Variants in FGD6 observed in about 807,000 individuals in gnomAD.
FGD6 encodes the protein FYVE, RhoGEF and PH domain-containing protein 6.
In FGD6, 90 loss-of-function variants were observed where a neutral mutation model predicts 149.4. That is an observed-to-expected ratio of 0.60 (90% CI 0.51 to 0.72). FGD6 has a LOEUF of 0.72. FGD6 is among the 30% of genes least tolerant of loss of function. The probability of loss-of-function intolerance (pLI) is 0.00; values close to 1 mark genes in which losing one functional copy is unlikely to be tolerated. For synonymous variants in FGD6, 527 were observed against 584.0 expected, an observed-to-expected ratio of 0.90 and a Z score of 1.41; for missense variants, 1,437 against 1,684.8, an observed-to-expected ratio of 0.85 and a Z score of 2.57.
intron 8 of FGD6, among the ~76,000 whole-genome samples, chr12:95,133,565 T>C (rs1350839477): frequency 1.3e-5 from 2 of 152,190 alleles, no homozygotes; most frequent in Non-Finnish European, 2.9e-5. Context: ...AAGAAAAGCA[T>C]GGACACCATT....
At chr12:95,125,732 G>T (rs1226368981) in intron 8 of FGD6, 2 of 592,444 alleles carry the variant, frequency 3.4e-6, no homozygotes, top group Non-Finnish European at 6.1e-6. Context: ...AATTAAAAAT[G>T]AATTCCTTCT....
chr12:95,131,703 C>G (rs1322171186), intron 8 of FGD6, among the ~76,000 whole-genome samples: 2 of 152,068 alleles, frequency 1.3e-5, no homozygotes, highest in Non-Finnish European at 2.9e-5. Context: ...GATTTCGTGG[C>G]CTTGAATAAG....
intron 14 of FGD6, among the ~76,000 whole-genome samples, chr12:95,099,412 A>G (rs977064160): frequency 1.3e-5 from 2 of 152,266 alleles, no homozygotes; most frequent in Middle Eastern, 6.8e-3. Flanking sequence ...ACCCACTTTA[A>G]TATGGGATGC....
At chr12:95,123,610 G>A (rs1265250577) in intron 8 of FGD6, among the ~76,000 whole-genome samples, 1 of 151,208 alleles carries the variant, frequency 6.6e-6, no homozygotes, top group Non-Finnish European at 1.5e-5. Flanking sequence ...CCCCCAGGCT[G>A]GACTACAGTG....
At chr12:95,103,929 T>C (rs1878527520) in intron 14 of FGD6, among the ~76,000 whole-genome samples, 1 of 152,216 alleles carries the variant, frequency 6.6e-6, no homozygotes, top group Admixed American at 6.5e-5. Context: ...TTTCTGTAAT[T>C]TAGTTTCCTA....
In FGD6 at chr12:95,209,707, G is replaced by A. The variant is rs1430532556; in HGVS notation, c.1577C>T (p.Ser526Leu). Residue 526 changes from serine (S) to leucine (L), a missense_variant, in exon 2 of 21, where the codon TCA becomes TTA. This residue lies in a region of FGD6 where 1,055 missense variants were observed against 1,146.0 expected (regional missense o/e 0.92). Transcript: ENST00000343958. ...EELLEKSSYP[S>L]SEEKSSEKSL... ...CTTCTCTGAACTTTTTTCTTCACTT[G>A]AAGGATAAGAACTTTTTTCCAAAAG... The A allele has an allele frequency of 3.7e-6, 6 of 1,613,984 alleles. No homozygotes were observed. The highest frequency in any genetic ancestry group is 4.2e-6 in the Non-Finnish European group (5 of 1,180,004).
chr12:95,140,595 C>A (rs1238787369), intron 6 of FGD6, among the ~76,000 whole-genome samples: 2 of 151,906 alleles, frequency 1.3e-5, no homozygotes. Context: ...CCAGCCTGGG[C>A]AACAAGAGTG....
chr12:95,183,352 C>T (rs1161019646), intron 2 of FGD6, among the ~76,000 whole-genome samples: 2 of 152,216 alleles, frequency 1.3e-5, no homozygotes, highest in Non-Finnish European at 2.9e-5. Context: ...ATACAGCCTG[C>T]CTCCCGCAAC....
chr12:95,112,107 G>A (rs981281333), intron 9 of FGD6, among the ~76,000 whole-genome samples: 4 of 151,872 alleles, frequency 2.6e-5, no homozygotes, highest in Non-Finnish European at 4.4e-5. Context: ...GATGGTATGT[G>A]CCTGTAATCC....
At chr12:95,160,148 C>G (rs1880594232) in intron 3 of FGD6, among the ~76,000 whole-genome samples, 1 of 151,630 alleles carries the variant, frequency 6.6e-6, no homozygotes, top group Non-Finnish European at 1.5e-5. Flanking sequence ...AGTTTGAGAC[C>G]AGCCTGGGTA....
chr12:95,085,570 A>G lies in FGD6; in HGVS notation c.4107+210T>C, dbSNP rs890805658. 2.1e-5 allele frequency: 11 copies of G among 533,720 alleles called. No homozygotes were observed. The East Asian group carries it at 2.8e-4, about 14-fold the overall frequency. 33.1% of individuals were successfully genotyped at this position (533,720 alleles called of 1,614,324 possible). A position where few individuals can be genotyped will look rare whatever the true frequency, so the allele number is the denominator to read the frequency against. On this transcript the variant is annotated intron_variant, in intron 19 of 20. Transcript: ENST00000343958. ...CACACAAAAATTGCATTTTAATAAT[A>G]TGGAAAATTCCTAACACATTTGAGA...
chr12:95,155,088 TA>T (rs897885175), intron 3 of FGD6, among the ~76,000 whole-genome samples: 8 of 152,018 alleles, frequency 5.3e-5, no homozygotes, highest in East Asian at 3.9e-4. Context: ...TTTAATAAAT[TA>T]AAAAAAATAT....
At chr12:95,163,112 C>T (rs1388564875) in intron 3 of FGD6, among the ~76,000 whole-genome samples, 1 of 152,166 alleles carries the variant, frequency 6.6e-6, no homozygotes, top group Non-Finnish European at 1.5e-5. Context: ...GTTTCTTTCG[C>T]CAAGGGTATT....
At chr12:95,172,407 A>G (rs1881019605) in intron 3 of FGD6, among the ~76,000 whole-genome samples, 193 bp downstream of exon 3, 1 of 152,182 alleles carries the variant, frequency 6.6e-6, no homozygotes, top group Admixed American at 6.6e-5. Flanking sequence ...TCACTAAGTA[A>G]TCTCTAAGTG....
chr12:95,162,535 G>C (rs1175903722), intron 3 of FGD6, among the ~76,000 whole-genome samples: 5 of 151,962 alleles, frequency 3.3e-5, no homozygotes, highest in Admixed American at 3.3e-4. Flanking sequence ...TCTAAAAATT[G>C]AATGAATAAA....
intron 3 of FGD6, among the ~76,000 whole-genome samples, chr12:95,153,738 G>C (rs1040704713): frequency 6.6e-6 from 1 of 152,104 alleles, no homozygotes; most frequent in South Asian, 2.1e-4. Context: ...TTCACCATAA[G>C]TAAAGGTATT....
chr12:95,105,025 G>C lies in FGD6; in HGVS notation c.3479C>G (p.Ser1160Cys). The part of the protein sequence containing the change: ...NELKIESVER[S>C]FILSASSATE... ...AATTTACCTGGCTGAGAGAATGAAGGAACGTTCTACACTTTCAATCTTTAA... is the reference window on the plus strand; with the variant it reads ...AATTTACCTGGCTGAGAGAATGAAGCAACGTTCTACACTTTCAATCTTTAA... Residue 1160 changes from serine to cysteine, a missense_variant, in exon 14 of 21, where the codon TCC (serine) becomes TGC (cysteine). Coordinates refer to ENST00000343958, the MANE Select transcript of FGD6 (RefSeq NM_018351.4). 6.3e-7 allele frequency: 1 copy of C among 1,595,292 alleles called. No homozygotes were observed. The highest frequency in any genetic ancestry group is 8.5e-7 in the Non-Finnish European group (1 of 1,174,966).
intron 2 of FGD6, 41 bp downstream of exon 2, chr12:95,208,802 T>A: frequency 1.3e-6 from 2 of 1,566,494 alleles, no homozygotes; most frequent in Non-Finnish European, 1.7e-6. Context: ...GAAGGTTAAT[T>A]GCAATGATGC....
chr12:95,206,191 G>GA (rs1256812874), intron 2 of FGD6, among the ~76,000 whole-genome samples: 1 of 151,200 alleles, frequency 6.6e-6, no homozygotes. Flanking sequence ...CCAATTTCAA[G>GA]AAAAAATTGT....
Sources: gnomAD v4.1 joint callset for allele counts (sites outside exome capture counted in the v4.1 genomes callset) on GRCh38, gnomAD v4.1.1 for gene constraint, gnomAD v4.1.1 regional missense constraint, MANE v1.5 for transcripts, NCBI Gene and HGNC (gene_info 2026-07-23, HGNC 2026-07-21) for gene names.